Variants in ZMPSTE24 observed in about 807,000 individuals in gnomAD.
The protein encoded by ZMPSTE24 is CAAX prenyl protease 1 homolog.
ZMPSTE24 carries 48 observed loss-of-function variants against 56.7 expected under a neutral mutation model. That is an observed-to-expected ratio of 0.85 (90% CI 0.67 to 1.08). The LOEUF (loss-of-function observed/expected upper bound fraction) is 1.08, where lower values mean the gene tolerates loss of function less well. Among genes scored for constraint, ZMPSTE24 ranks in the 50% least tolerant of loss-of-function variants. The pLI is 0.00. For synonymous variants in ZMPSTE24, 172 were observed against 195.2 expected (o/e 0.88, Z 0.99); for missense variants, 503 against 548.7 (o/e 0.92, Z 0.83).
chr1:40,264,877 CAAAAAAAAAAAAAA>C (rs35889679), intron 2 of ZMPSTE24, among the ~76,000 whole-genome samples: 3 of 53,266 alleles, frequency 5.6e-5, no homozygotes, highest in Admixed American at 2.1e-4. Context: ...GATCCTGTCT[CAAAAAAAAAAAAAA>C]AAAAAAAAAG....
Position 40,265,657 on chromosome 1 carries a change from C to G in ZMPSTE24, c.271-2129C>G, listed in dbSNP as rs574174438. Among the ~76,000 whole-genome samples, 5 of 152,292 alleles carry G rather than the reference C, an allele frequency of 3.3e-5. No individual in the cohort carries two copies. The East Asian group carries it at 7.7e-4, about 23-fold the overall frequency. On this transcript the variant is annotated intron_variant, in intron 2 of 9. Coordinates refer to ENST00000372759, the MANE Select transcript of ZMPSTE24 (RefSeq NM_005857.5). Reference sequence around the variant, plus strand: ...AATTCAGTAAGCTATGATCATAACACTGCTCCCTAGCCTGAGTGACAGAGT... The same window carrying G: ...AATTCAGTAAGCTATGATCATAACAGTGCTCCCTAGCCTGAGTGACAGAGT...
chr1:40,270,161 A>G (rs201571639), intron 5 of ZMPSTE24, 34 bp downstream of exon 5: 13 of 1,611,440 alleles, frequency 8.1e-6, no homozygotes, highest in East Asian at 2.2e-5. Context: ...TTCTTTTGCA[A>G]AAGTTCCTTG....
At chr1:40,268,349 C>T (rs1353225680) in intron 3 of ZMPSTE24, 70 bp from the exon 4 acceptor site, 21 of 1,012,450 alleles carry the variant, frequency 2.1e-5, no homozygotes, top group Middle Eastern at 2.0e-4. Context: ...AGTAAGTGCT[C>T]AGCAAATACT....
intron 8 of ZMPSTE24, among the ~76,000 whole-genome samples, chr1:40,287,413 C>T (rs758238504): frequency 1.3e-5 from 2 of 152,090 alleles, no homozygotes; most frequent in Admixed American, 1.3e-4. Context: ...CGTGGTGGCT[C>T]ATGCTTGTAA....
At chr1:40,273,537 A>AAAAAAAAAAAAAAAT (rs1224234676) in intron 6 of ZMPSTE24, among the ~76,000 whole-genome samples, 7 of 12,384 alleles carry the variant, frequency 5.7e-4, no homozygotes, top group Non-Finnish European at 9.9e-4. Flanking sequence ...AAAAAAAAAA[A>AAAAAAAAAAAAAAAT]ATATATATAT....
intron 4 of ZMPSTE24, among the ~76,000 whole-genome samples, 185 bp downstream of exon 4, chr1:40,268,720 C>T (rs1036838732): frequency 1.4e-4 from 21 of 152,058 alleles, no homozygotes; most frequent in African/African-American, 4.3e-4. Context: ...GGCCAGTTGC[C>T]CTGGCACTCG....
intron 3 of ZMPSTE24, among the ~76,000 whole-genome samples, 165 bp from the exon 4 acceptor site, chr1:40,268,254 C>T (rs914856975): frequency 2.0e-5 from 3 of 152,178 alleles, no homozygotes; most frequent in African/African-American, 7.2e-5. Flanking sequence ...TTACTTCTCT[C>T]AAAAGTAAAC....
At chr1:40,283,703 A>G (rs967478461) in intron 7 of ZMPSTE24, among the ~76,000 whole-genome samples, 1 of 152,042 alleles carries the variant, frequency 6.6e-6, no homozygotes, top group Admixed American at 6.5e-5. Flanking sequence ...AGGCCCTTTT[A>G]TTCTGGAAAT....
chr1:40,281,542 C>T lies in ZMPSTE24; in HGVS notation c.954+15C>T, dbSNP rs987991996. 1.2e-6 allele frequency: 2 copies of T among 1,611,898 alleles called. No homozygotes were observed. The highest frequency in any genetic ancestry group is 1.7e-6 in the Non-Finnish European group (2 of 1,178,604). On this transcript the variant is annotated intron_variant, in intron 7 of 9. Transcript: ENST00000372759. The stretch of plus-strand genomic sequence containing the variant: ...CTAAAGTTAAAGTGAGTTATTTTTT[C>T]CTAAGAGATTCTACCTTAGTTTTTA...
intron 7 of ZMPSTE24, 150 bp from the exon 8 acceptor site, chr1:40,285,775 G>A (rs1234992626): frequency 3.2e-6 from 2 of 624,560 alleles, no homozygotes; most frequent in African/African-American, 3.7e-5. Flanking sequence ...TGGAGCAGTG[G>A]TTCAGGGAAT....
intron 2 of ZMPSTE24, among the ~76,000 whole-genome samples, chr1:40,265,351 A>G (rs1410975198): frequency 6.6e-6 from 1 of 152,228 alleles, no homozygotes; most frequent in Non-Finnish European, 1.5e-5. Flanking sequence ...AACAAGGTTT[A>G]TGTCTAAGAT....
chr1:40,269,122 T>C (rs1014881537), intron 4 of ZMPSTE24, among the ~76,000 whole-genome samples: 19 of 137,654 alleles, frequency 1.4e-4, no homozygotes, highest in African/African-American at 4.9e-4. Flanking sequence ...CTTGACTGGG[T>C]ACAGTGGCTC....
At position 40,293,734 on chromosome 1, in the gene ZMPSTE24, A is replaced by C; in HGVS notation, c.*1065A>C. 1 of 152,234 alleles carries C rather than the reference A, an allele frequency of 6.6e-6. No homozygotes were observed. The highest frequency in any genetic ancestry group is 1.9e-4 in the East Asian group (1 of 5,204). The allele number at this position is 152,234 out of a possible 1,614,324, so 9.4% of individuals were successfully genotyped here. On this transcript the variant is annotated 3_prime_UTR_variant, in exon 10 of 10. Transcript: ENST00000372759. The stretch of plus-strand genomic sequence containing the variant: ...TTGAAAATTACAGTTCTTGAAATGC[A>C]GATAATGTTTACTTTGAAAACAAAT...
chr1:40,278,006 T>C (rs1569644299), intron 6 of ZMPSTE24, among the ~76,000 whole-genome samples: 3 of 138,166 alleles, frequency 2.2e-5, no homozygotes, highest in African/African-American at 2.7e-5. Context: ...TCAGGAAAGA[T>C]AGAGATAGAA....
chr1:40,267,893 T>G (rs1643571752), intron 3 of ZMPSTE24, 21 bp downstream of exon 3: 7 of 1,594,024 alleles, frequency 4.4e-6, no homozygotes, highest in Non-Finnish European at 6.0e-6. Flanking sequence ...CATTAGCATG[T>G]ATTTGTCATG....
chr1:40,287,133 C>T (rs1464962812), intron 8 of ZMPSTE24, among the ~76,000 whole-genome samples: 1 of 151,236 alleles, frequency 6.6e-6, no homozygotes, highest in Admixed American at 6.6e-5. Context: ...GTGGCGTGAT[C>T]TCAACTCACT....
At chr1:40,272,839 T>A (rs1221450444) in intron 6 of ZMPSTE24, among the ~76,000 whole-genome samples, 1 of 152,246 alleles carries the variant, frequency 6.6e-6, no homozygotes, top group Admixed American at 6.5e-5. Flanking sequence ...TTCACCCTTC[T>A]GGGTTTCAGT....
chr1:40,277,014 A>T (rs1243368150), intron 6 of ZMPSTE24, among the ~76,000 whole-genome samples: 1 of 151,538 alleles, frequency 6.6e-6, no homozygotes, highest in Non-Finnish European at 1.5e-5. Context: ...AAATGTCATT[A>T]TGCGGTACAT....
At chr1:40,287,273 T>C (rs1025297722) in intron 8 of ZMPSTE24, among the ~76,000 whole-genome samples, 1 of 151,890 alleles carries the variant, frequency 6.6e-6, no homozygotes, top group Non-Finnish European at 1.5e-5. Context: ...TTCACTATGT[T>C]GTCCAGGCTG....
Sources: allele counts gnomAD v4.1 joint callset (sites outside exome capture counted in the v4.1 genomes callset), GRCh38; gene constraint gnomAD v4.1.1; transcripts MANE v1.5; gene names NCBI Gene and HGNC (gene_info 2026-07-23, HGNC 2026-07-21).